Variants in TEAD1 observed in about 807,000 individuals in gnomAD.
The protein encoded by TEAD1 is TEA domain transcription factor 1.
TEAD1 carries 9 observed loss-of-function variants against 54.9 expected under a neutral mutation model. That is an observed-to-expected ratio of 0.16 (90% confidence interval 0.10 to 0.29). The LOEUF is 0.29. TEAD1 is among the 10% of genes least tolerant of loss of function. The probability of loss-of-function intolerance (pLI) is 1.00; values close to 1 mark genes in which losing one functional copy is unlikely to be tolerated. For missense variants in TEAD1, 387 were observed against 535.9 expected (o/e 0.72, Z 2.74); for synonymous variants, 200 against 187.8 (o/e 1.07, Z -0.53).
Position 12,793,859 on chromosome 11 carries a change from C to T in TEAD1, c.202+29425C>T, listed in dbSNP as rs548590389. On this transcript the variant is annotated intron_variant, in intron 3 of 12. Coordinates refer to ENST00000527636, the MANE Select transcript of TEAD1 (RefSeq NM_021961.6). ...CTCACTTTCTCATTGTGATCTGACT[C>T]CAGTTGTTCAAAAGCCGTTCCTTAC... 9.9e-5 allele frequency among the ~76,000 whole-genome samples: 15 copies of T among 152,272 alleles called. No homozygotes were observed. The South Asian group carries it at 3.1e-3, about 32-fold the overall frequency.
rs185710026 is a variant in TEAD1, at chr11:12,836,200, C to T, written c.203-26050C>T. ...CTTCAGGAGGCCGAGGTGGGTGGATCATGAGGTCAGGAGATGAAGACCATC... is the reference window on the plus strand; with the variant it reads ...CTTCAGGAGGCCGAGGTGGGTGGATTATGAGGTCAGGAGATGAAGACCATC... On this transcript the variant is annotated intron_variant, in intron 3 of 12. Coordinates refer to ENST00000527636, the MANE Select transcript of TEAD1 (RefSeq NM_021961.6). Among the ~76,000 whole-genome samples the T allele has an allele frequency of 9.8e-3, 1,482 of 151,998 alleles. 22 individuals are homozygous for T. The highest frequency in any genetic ancestry group is 0.034 in the African/African-American group (1,401 of 41,434).
At chr11:12,897,959 G>C (rs761915441) in intron 9 of TEAD1, among the ~76,000 whole-genome samples, 1 of 152,144 alleles carries the variant, frequency 6.6e-6, no homozygotes, top group African/African-American at 2.4e-5. Flanking sequence ...ATTAACTCCA[G>C]GACTATTCCT....
At chr11:12,809,537 G>A (rs1007476152) in intron 3 of TEAD1, among the ~76,000 whole-genome samples, 2 of 151,822 alleles carry the variant, frequency 1.3e-5, no homozygotes, top group Non-Finnish European at 2.9e-5. Flanking sequence ...CACACCCCCA[G>A]ATCAAAGACC....
At chr11:12,758,510 A>G (rs376116459) in intron 2 of TEAD1, among the ~76,000 whole-genome samples, 25 of 145,838 alleles carry the variant, frequency 1.7e-4, no homozygotes, top group African/African-American at 6.4e-4. Context: ...TCCCAGGTTC[A>G]CGCCATTCTC....
At position 12,884,804 on chromosome 11, in the gene TEAD1, G is replaced by C. The variant is rs543918453; in HGVS notation, c.699+1679G>C. On this transcript the variant is annotated intron_variant, in intron 9 of 12. Transcript: ENST00000527636. Reference sequence around the variant, plus strand: ...TTCCAAGCAGCTGAGTGGCTAACAGGAAGAGTGATGGTGAGGGTTAAATCC... The same window carrying C: ...TTCCAAGCAGCTGAGTGGCTAACAGCAAGAGTGATGGTGAGGGTTAAATCC... Among the ~76,000 whole-genome samples the C allele has an allele frequency of 3.3e-5, 5 of 152,318 alleles. No homozygotes were observed. In the South Asian group the frequency reaches 1.0e-3, roughly 32 times the overall value.
At chr11:12,803,560 A>G (rs1262363354) in intron 3 of TEAD1, among the ~76,000 whole-genome samples, 1 of 152,184 alleles carries the variant, frequency 6.6e-6, no homozygotes, top group Non-Finnish European at 1.5e-5. Flanking sequence ...CCTCCATGCC[A>G]GCTGTGTGGC....
At chr11:12,890,605 A>G (rs1272513354) in intron 9 of TEAD1, among the ~76,000 whole-genome samples, 6 of 152,196 alleles carry the variant, frequency 3.9e-5, no homozygotes, top group Non-Finnish European at 7.3e-5. Context: ...ATTTAGTAAT[A>G]TCCCTGAACA....
intron 3 of TEAD1, among the ~76,000 whole-genome samples, chr11:12,765,569 A>G (rs751013877): frequency 4.6e-5 from 7 of 152,178 alleles, no homozygotes; most frequent in Non-Finnish European, 8.8e-5. Context: ...TGTGGCTTCA[A>G]CTAGCACACA....
chr11:12,891,519 A>G (rs1948197245), intron 9 of TEAD1, among the ~76,000 whole-genome samples: 1 of 152,234 alleles, frequency 6.6e-6, no homozygotes, highest in Non-Finnish European at 1.5e-5. Context: ...AATGGTAATG[A>G]CTGGGTGTTG....
At position 12,764,297 on chromosome 11, in the gene TEAD1, C is replaced by G; in HGVS notation, c.65C>G (p.Ser22Cys). 6.2e-7 allele frequency: 1 copy of G among 1,614,214 alleles called. No homozygotes were observed. ...GAAAACATGGAAAGGATGAGTGACT[C>G]TGCAGATAAGCCAATTGACAATGAT... The change falls in exon 3 of 13, where the codon TCT becomes TGT. Residue 22 changes from serine to cysteine, a missense_variant. Ser to Cys is a moderately radical substitution (Grantham distance 112). Transcript: ENST00000527636.
intron 1 of TEAD1, among the ~76,000 whole-genome samples, chr11:12,675,123 C>T (rs1250103398): frequency 6.7e-6 from 1 of 148,186 alleles, no homozygotes; most frequent in Non-Finnish European, 1.5e-5. Context: ...CCGCGCCCCC[C>T]GCGCGCCCCC....
chr11:12,835,992 G>C (rs188625056), intron 3 of TEAD1, among the ~76,000 whole-genome samples: 1 of 152,214 alleles, frequency 6.6e-6, no homozygotes, highest in East Asian at 1.9e-4. Context: ...AAATGTTCTC[G>C]TCACAAAGAA....
At chr11:12,838,340 C>A (rs1337883032) in intron 3 of TEAD1, among the ~76,000 whole-genome samples, 1 of 152,128 alleles carries the variant, frequency 6.6e-6, no homozygotes, top group Non-Finnish European at 1.5e-5. Context: ...CAAGAATATC[C>A]CTAGGCCCTT....
chr11:12,787,362 T>G (rs1244109061), intron 3 of TEAD1, among the ~76,000 whole-genome samples: 2 of 152,246 alleles, frequency 1.3e-5, no homozygotes, highest in African/African-American at 4.8e-5. Context: ...TCTTTTTTGC[T>G]AACCATTGTA....
intron 7 of TEAD1, among the ~76,000 whole-genome samples, 200 bp downstream of exon 7, chr11:12,881,251 G>A (rs1947959849): frequency 6.6e-6 from 1 of 152,290 alleles, no homozygotes; most frequent in African/African-American, 2.4e-5. Context: ...GGGAGAGGTG[G>A]AAGCACCCCA....
intron 3 of TEAD1, among the ~76,000 whole-genome samples, chr11:12,789,457 T>G (rs982644872): frequency 3.5e-4 from 54 of 152,244 alleles, no homozygotes; most frequent in African/African-American, 1.3e-3. Context: ...CCATACAGTT[T>G]ATGTTAGCTA....
intron 2 of TEAD1, among the ~76,000 whole-genome samples, chr11:12,737,113 C>CATGTT (rs1944549834): frequency 1.3e-5 from 2 of 151,788 alleles, no homozygotes; most frequent in Non-Finnish European, 2.9e-5. Context: ...TATCTAAAAA[C>CATGTT]GTCATGTTTC....
chr11:12,796,373 G>A (rs959659552), intron 3 of TEAD1, among the ~76,000 whole-genome samples: 2 of 152,202 alleles, frequency 1.3e-5, no homozygotes, highest in African/African-American at 4.8e-5. Context: ...AGATGCTATT[G>A]TGTTACTTTT....
At chr11:12,874,354 A>T (rs1947813329) in intron 5 of TEAD1, among the ~76,000 whole-genome samples, 1 of 152,212 alleles carries the variant, frequency 6.6e-6, no homozygotes, top group Non-Finnish European at 1.5e-5. Context: ...CTTGAGTTTT[A>T]AGAGTACACC....
Sources: allele counts gnomAD v4.1 joint callset (sites outside exome capture counted in the v4.1 genomes callset), GRCh38; gene constraint gnomAD v4.1.1; transcripts MANE v1.5; gene names NCBI Gene and HGNC (gene_info 2026-07-23, HGNC 2026-07-21).